Variants in TCF4 observed in about 807,000 individuals in gnomAD.
TCF4 encodes the protein transcription factor 4.
Under a neutral mutation model 82.1 loss-of-function variants are expected in TCF4, and 3 were observed. The observed-to-expected ratio is 0.04, with a 90% CI of 0.02 to 0.09. The LOEUF is 0.09. Ranked by LOEUF, TCF4 falls within the 10% of genes least tolerant of loss-of-function variation. The pLI is 1.00. For synonymous variants in TCF4, 276 were observed against 309.6 expected, an observed-to-expected ratio of 0.89 and a Z score of 1.14; for missense variants, 518 against 852.7, an observed-to-expected ratio of 0.61 and a Z score of 4.89.
At chr18:55,422,880 C>T (rs893083404) in intron 5 of TCF4, among the ~76,000 whole-genome samples, 2 of 152,070 alleles carry the variant, frequency 1.3e-5, no homozygotes, top group South Asian at 4.1e-4. Context: ...GCTGTCGAAG[C>T]TCTCCGATGC....
intron 3 of TCF4, among the ~76,000 whole-genome samples, chr18:55,474,771 TTTGTTTTG>T (rs1000399118): frequency 7.2e-4 from 37 of 51,164 alleles, no homozygotes; most frequent in African/African-American, 1.4e-3. Flanking sequence ...GGGGTTTTTG[TTTGTTTTG>T]TTTGTTTGTT....
chr18:55,302,579 T>C, intron 8 of TCF4: 1 of 1,533,764 alleles, frequency 6.5e-7, no homozygotes, highest in Non-Finnish European at 8.7e-7. Flanking sequence ...AGCCCAGAAT[T>C]CATAATGGGA....
In TCF4 at chr18:55,426,366, T is replaced by A. The variant is rs1284065392; in HGVS notation, c.305-22848A>T. Among the ~76,000 whole-genome samples, 6 of 152,124 alleles carry A rather than the reference T, an allele frequency of 3.9e-5. No homozygotes were observed. The East Asian group carries it at 1.2e-3, about 29-fold the overall frequency. Reference sequence around the variant, plus strand: ...TTCCACTTCAGAATGATTAGCATCATCTACTTCTTTGGGGAAGACAGGTGA... The same window carrying A: ...TTCCACTTCAGAATGATTAGCATCAACTACTTCTTTGGGGAAGACAGGTGA... On this transcript the variant is annotated intron_variant, in intron 5 of 19. Coordinates refer to ENST00000354452, the MANE Select transcript of TCF4 (RefSeq NM_001083962.2).
chr18:55,532,881 C>T (rs2097079408), intron 3 of TCF4, among the ~76,000 whole-genome samples: 1 of 152,112 alleles, frequency 6.6e-6, no homozygotes. Context: ...ATTCCACATT[C>T]CTTAACTTAC....
At chr18:55,403,313 ATTAC>A in intron 6 of TCF4, 137 bp downstream of exon 6, 1 of 927,718 alleles carries the variant, frequency 1.1e-6, no homozygotes, top group East Asian at 2.4e-5. Context: ...GTGTTATTTC[ATTAC>A]TTAAAGAGAG....
At chr18:55,456,080 A>T (rs923919187) in intron 5 of TCF4, among the ~76,000 whole-genome samples, 8 of 152,196 alleles carry the variant, frequency 5.3e-5, no homozygotes, top group Admixed American at 1.3e-4. Flanking sequence ...AGCCATAAAC[A>T]CTCTGAAGTA....
At chr18:55,244,434 C>T (rs556286292) in intron 15 of TCF4, among the ~76,000 whole-genome samples, 17 of 152,142 alleles carry the variant, frequency 1.1e-4, no homozygotes, top group African/African-American at 3.6e-4. Context: ...AGAAAAATGA[C>T]CATTTTAGTT....
chr18:55,244,218 C>T (rs963940011), intron 15 of TCF4, among the ~76,000 whole-genome samples: 1 of 152,104 alleles, frequency 6.6e-6, no homozygotes, highest in Non-Finnish European at 1.5e-5. Context: ...GCTTTTTTTC[C>T]AGACTGCTTC....
At chr18:55,232,224 T>A (rs1467572260) in intron 17 of TCF4, 4 of 344,702 alleles carry the variant, frequency 1.2e-5, no homozygotes, top group Non-Finnish European at 2.1e-5. Context: ...ATTTGTAGAA[T>A]AAGTATAGTT....
intron 8 of TCF4, among the ~76,000 whole-genome samples, chr18:55,336,937 CAT>C (rs1304352375): frequency 1.3e-5 from 2 of 152,158 alleles, no homozygotes; most frequent in African/African-American, 4.8e-5. Context: ...CAAATTTATT[CAT>C]ATGTTAGTTA....
intron 17 of TCF4, chr18:55,232,185 A>G: frequency 3.9e-6 from 1 of 258,276 alleles, no homozygotes; most frequent in Non-Finnish European, 7.5e-6. Flanking sequence ...TCTTTTTAGA[A>G]ATATTATAGA....
In TCF4 at chr18:55,228,290, G is replaced by A. The variant is rs549600113; in HGVS notation, c.1951C>T (p.Pro651Ser). 1 of 1,614,084 alleles carries A rather than the reference G, an allele frequency of 6.2e-7. No homozygotes were observed. The highest frequency in any genetic ancestry group is 8.5e-7 in the Non-Finnish European group (1 of 1,180,004). The change falls in exon 19 of 20, where the codon CCT (proline) becomes TCT (serine). Residue 651 changes from proline to serine, a missense_variant. By Grantham distance (74) the Pro-to-Ser change is moderately conservative. Around this residue, in one of 7 missense-constraint regions of TCF4, gnomAD observed 40 missense variants for 41.5 expected, o/e 0.96. Transcript: ENST00000354452. Reference protein sequence around the residue: ...EEEKVSSEPPPLSLAGPHPGM... With the variant: ...EEEKVSSEPPSLSLAGPHPGM... ...GGGTGTGGGCCGGCCAAGGAGAGAGGGGGAGGCTCTGAGGACACCTTCTCT... is the reference window on the plus strand; with the variant it reads ...GGGTGTGGGCCGGCCAAGGAGAGAGAGGGAGGCTCTGAGGACACCTTCTCT...
intron 6 of TCF4, among the ~76,000 whole-genome samples, chr18:55,386,304 C>T (rs142155579): frequency 9.3e-4 from 141 of 152,284 alleles, no homozygotes; most frequent in Non-Finnish European, 1.6e-3. Flanking sequence ...CCACTTAGAC[C>T]CATGGACAGC....
chr18:55,271,498 A>G (rs895913225), intron 10 of TCF4, among the ~76,000 whole-genome samples: 1 of 152,122 alleles, frequency 6.6e-6, no homozygotes, highest in Non-Finnish European at 1.5e-5. Context: ...TAGAGGTAGG[A>G]TTTTCAAAGA....
At chr18:55,632,621 C>T (rs2097732687) in intron 1 of TCF4, among the ~76,000 whole-genome samples, 1 of 152,198 alleles carries the variant, frequency 6.6e-6, no homozygotes, top group African/African-American at 2.4e-5. Flanking sequence ...GATGCTCTTA[C>T]AGAAGACTTC....
At chr18:55,234,487 G>A (rs372477995) in intron 16 of TCF4, 61 bp downstream of exon 16, 6 of 1,609,444 alleles carry the variant, frequency 3.7e-6, no homozygotes, top group East Asian at 2.2e-5. Context: ...AAGAGGCTGG[G>A]TATCAACACT....
At chr18:55,620,801 T>TC (rs995748933) in intron 2 of TCF4, among the ~76,000 whole-genome samples, 2 of 30,874 alleles carry the variant, frequency 6.5e-5, no homozygotes, top group African/African-American at 6.8e-4. Flanking sequence ...TGTCCAGTTC[T>TC]TTTTTTTTTT....
At chr18:55,342,407 A>T (rs2080187292) in intron 8 of TCF4, among the ~76,000 whole-genome samples, 1 of 152,162 alleles carries the variant, frequency 6.6e-6, no homozygotes, top group Non-Finnish European at 1.5e-5. Flanking sequence ...TGGCAATGCA[A>T]TTTCACTCCT....
intron 2 of TCF4, among the ~76,000 whole-genome samples, chr18:55,604,675 T>C (rs1280753497): frequency 1.3e-5 from 2 of 152,108 alleles, no homozygotes; most frequent in African/African-American, 4.8e-5. Context: ...AAGTAATGGA[T>C]AGATGAAAAA....
Sources: allele counts gnomAD v4.1 joint callset (sites outside exome capture counted in the v4.1 genomes callset), GRCh38; gene constraint gnomAD v4.1.1; regional missense constraint gnomAD v4.1.1; transcripts MANE v1.5; gene names NCBI Gene and HGNC (gene_info 2026-07-23, HGNC 2026-07-21).